CBLN2: variants seen among roughly 807,000 people sequenced by gnomAD.
The protein encoded by CBLN2 is cerebellin 2 precursor, also known as cerebellin-2.
Under a neutral mutation model 15.0 loss-of-function variants are expected in CBLN2, and 7 were observed. The observed-to-expected ratio is 0.47, with a 90% confidence interval of 0.27 to 0.88. The LOEUF is 0.88. CBLN2 is among the 40% of genes least tolerant of loss of function. The probability of loss-of-function intolerance (pLI) is 0.14; values close to 1 mark genes in which losing one functional copy is unlikely to be tolerated. For missense variants in CBLN2, 242 were observed against 304.5 expected (o/e 0.79, Z 1.53); for synonymous variants, 149 against 135.2 (o/e 1.10, Z -0.71).
upstream of CBLN2, among the ~76,000 whole-genome samples, chr18:72,548,296 A>G (rs1164575374): frequency 6.6e-6 from 1 of 152,224 alleles, no homozygotes; most frequent in Non-Finnish European, 1.5e-5. Flanking sequence ...TAACTCAAAT[A>G]TTGCCTAGAT....
At chr18:72,608,285 G>A (rs1409562474) in intron 1 of CBLN2, among the ~76,000 whole-genome samples, 1 of 152,086 alleles carries the variant, frequency 6.6e-6, no homozygotes. Flanking sequence ...CTCCTGGGGG[G>A]ATAAGTGCAG....
intron 1 of CBLN2, among the ~76,000 whole-genome samples, chr18:72,566,596 A>T (rs1330116060): frequency 2.0e-5 from 3 of 152,178 alleles, no homozygotes; most frequent in Non-Finnish European, 4.4e-5. Flanking sequence ...TATGGAATCT[A>T]AAAAGGTCGA....
At chr18:72,538,619 A>C in intron 4 of CBLN2, 34 bp downstream of exon 4, 1 of 1,612,076 alleles carries the variant, frequency 6.2e-7, no homozygotes, top group Non-Finnish European at 8.5e-7. Flanking sequence ...CTATTAACTC[A>C]AACCTGAAAG....
At chr18:72,578,932 T>G (rs914278348) in intron 1 of CBLN2, among the ~76,000 whole-genome samples, 1 of 152,366 alleles carries the variant, frequency 6.6e-6, no homozygotes, top group South Asian at 2.1e-4. Context: ...ACAGTGACAC[T>G]GTGTCGCTAT....
intron 1 of CBLN2, among the ~76,000 whole-genome samples, chr18:72,614,703 T>A (rs1358970060): frequency 6.6e-6 from 1 of 152,144 alleles, no homozygotes; most frequent in Non-Finnish European, 1.5e-5. Context: ...TGATATTAAA[T>A]GTAAAGAGAT....
intron 1 of CBLN2, among the ~76,000 whole-genome samples, chr18:72,572,476 T>G (rs1453514358): frequency 6.6e-6 from 1 of 152,180 alleles, no homozygotes; most frequent in Non-Finnish European, 1.5e-5. Context: ...TACCATAATG[T>G]GATTGTTAAA....
intron 1 of CBLN2, among the ~76,000 whole-genome samples, chr18:72,566,130 C>T (rs2069293617): frequency 6.6e-6 from 1 of 152,140 alleles, no homozygotes; most frequent in African/African-American, 2.4e-5. Flanking sequence ...CACCTCATGT[C>T]TGTTAGAACA....
chr18:72,559,530 A>G (rs910456171), intron 1 of CBLN2, among the ~76,000 whole-genome samples: 2 of 152,216 alleles, frequency 1.3e-5, no homozygotes, highest in African/African-American at 4.8e-5. Context: ...TTTATATTAA[A>G]TAAAATATTT....
At chr18:72,604,074 G>A (rs2069567397) in intron 1 of CBLN2, among the ~76,000 whole-genome samples, 1 of 152,160 alleles carries the variant, frequency 6.6e-6, no homozygotes, top group Non-Finnish European at 1.5e-5. Flanking sequence ...CTAGGAGACA[G>A]TACTTCTCAA....
intron 1 of CBLN2, among the ~76,000 whole-genome samples, chr18:72,565,212 G>A (rs1393773023): frequency 6.6e-6 from 1 of 152,126 alleles, no homozygotes; most frequent in Non-Finnish European, 1.5e-5. Flanking sequence ...TTCACTGGTA[G>A]AGATAAATTC....
intron 1 of CBLN2, among the ~76,000 whole-genome samples, chr18:72,608,715 T>G (rs151179657): frequency 2.0e-3 from 308 of 152,106 alleles, no homozygotes; most frequent in African/African-American, 7.0e-3. Flanking sequence ...GGAGCACAGG[T>G]GTTGGGGCTG....
intron 1 of CBLN2, among the ~76,000 whole-genome samples, chr18:72,622,700 G>A (rs1327473477): frequency 2.0e-5 from 3 of 152,104 alleles, no homozygotes; most frequent in Non-Finnish European, 2.9e-5. Flanking sequence ...AAAGAGACCA[G>A]CCTTATTTTG....
chr18:72,619,049 A>G, intron 1 of CBLN2: 1 of 754,174 alleles, frequency 1.3e-6, no homozygotes, highest in South Asian at 1.3e-5. Flanking sequence ...AGCTACAGTG[A>G]TTTTGGCAAT....
At chr18:72,637,041 C>CAAAAA (rs113009406) in intron 1 of CBLN2, among the ~76,000 whole-genome samples, 53 of 127,608 alleles carry the variant, frequency 4.2e-4, no homozygotes, top group South Asian at 1.2e-3. Flanking sequence ...AACAAAACTG[C>CAAAAA]AAAAAAAAAA....
intron 1 of CBLN2, among the ~76,000 whole-genome samples, chr18:72,622,758 T>C (rs2069709532): frequency 6.6e-6 from 1 of 152,170 alleles, no homozygotes; most frequent in Admixed American, 6.6e-5. Flanking sequence ...CAAAATGCTG[T>C]AGTGAAAAAT....
At chr18:72,614,091 T>C (rs2069641283) in intron 1 of CBLN2, among the ~76,000 whole-genome samples, 1 of 152,198 alleles carries the variant, frequency 6.6e-6, no homozygotes, top group Non-Finnish European at 1.5e-5. Flanking sequence ...CAACTCTCAG[T>C]TTGCTGCATA....
intron 1 of CBLN2, among the ~76,000 whole-genome samples, chr18:72,637,757 G>A (rs778951882): frequency 1.3e-5 from 2 of 152,140 alleles, no homozygotes; most frequent in Non-Finnish European, 2.9e-5. Context: ...CACCTCTCCT[G>A]GATCTTTCAT....
chr18:72,570,438 A>G lies in CBLN2; in HGVS notation c.16-31666T>C, dbSNP rs73478270. Among the ~76,000 whole-genome samples, 887 of 148,142 alleles carry G rather than the reference A, an allele frequency of 6.0e-3. 9 individuals are homozygous for G. The highest frequency in any genetic ancestry group is 0.021 in the African/African-American group (842 of 39,718). On this transcript the variant is annotated intron_variant, in intron 1 of 2. Transcript: ENST00000581073. ...TTTTTTTTTTTTTTTTTGTGGAGAC[A>G]GGTTTCACCACGTTGCCCAGGCAAG... is the stretch of plus-strand genomic sequence containing the variant.
intron 1 of CBLN2, among the ~76,000 whole-genome samples, chr18:72,552,081 T>C (rs2069194914): frequency 6.6e-6 from 1 of 152,022 alleles, no homozygotes; most frequent in Non-Finnish European, 1.5e-5. Flanking sequence ...TATTAAAATG[T>C]CCAACAGAGC....
Sources: gnomAD v4.1 joint callset for allele counts (sites outside exome capture counted in the v4.1 genomes callset) on GRCh38, gnomAD v4.1.1 for gene constraint, MANE v1.5 for transcripts, NCBI Gene and HGNC (gene_info 2026-07-23, HGNC 2026-07-21) for gene names.